MYRIP: variants seen among roughly 807,000 people sequenced by gnomAD.
MYRIP encodes rab effector MyRIP.
In MYRIP, 49 loss-of-function variants were observed where a neutral mutation model predicts 98.0. The ratio of observed to expected loss-of-function variants is 0.50; its 90% CI spans 0.40 to 0.63. The LOEUF (loss-of-function observed/expected upper bound fraction) is 0.63, where lower values mean the gene tolerates loss of function less well. Among genes scored for constraint, MYRIP ranks in the 30% least tolerant of loss-of-function variants. MYRIP has a pLI of 0.00. For synonymous variants in MYRIP, 404 were observed against 409.5 expected, an observed-to-expected ratio of 0.99 and a Z score of 0.16; for missense variants, 1,004 against 1,058.2, an observed-to-expected ratio of 0.95 and a Z score of 0.71.
At chr3:40,054,826 C>T (rs1480008104) in intron 3 of MYRIP, among the ~76,000 whole-genome samples, 4 of 152,162 alleles carry the variant, frequency 2.6e-5, no homozygotes, top group African/African-American at 9.7e-5. Context: ...CCTTGGCAAC[C>T]GTCATCGTCT....
chr3:39,896,791 C>T (rs569143917), intron 1 of MYRIP, among the ~76,000 whole-genome samples: 151 of 152,202 alleles, frequency 9.9e-4, no homozygotes, highest in Non-Finnish European at 1.7e-3. Flanking sequence ...ATATCACTTA[C>T]GTACACATTG....
chr3:40,029,526 A>G (rs1045589025), intron 2 of MYRIP, among the ~76,000 whole-genome samples: 32 of 152,226 alleles, frequency 2.1e-4, no homozygotes, highest in Admixed American at 6.5e-4. Flanking sequence ...TGTTTATGAT[A>G]TATTGTTAAG....
chr3:39,811,720 G>T (rs1482767881), intron 1 of MYRIP, among the ~76,000 whole-genome samples: 2 of 151,914 alleles, frequency 1.3e-5, no homozygotes, highest in Non-Finnish European at 2.9e-5. Context: ...TGTAGAGATG[G>T]TGTGTATCTC....
At chr3:39,968,264 C>CA (rs1214900308) in intron 2 of MYRIP, among the ~76,000 whole-genome samples, 1 of 151,372 alleles carries the variant, frequency 6.6e-6, no homozygotes, top group Non-Finnish European at 1.5e-5. Flanking sequence ...CGGCTCACTG[C>CA]AACCTCCACC....
At chr3:40,072,505 C>G (rs1948253114) in intron 3 of MYRIP, among the ~76,000 whole-genome samples, 3 of 152,156 alleles carry the variant, frequency 2.0e-5, no homozygotes, top group Admixed American at 1.3e-4. Context: ...CCGCGCCCAG[C>G]CTGCATTTTA....
chr3:40,084,136 CAAAAAAAAAAAAAAA>C (rs753167019), intron 3 of MYRIP, among the ~76,000 whole-genome samples: 4 of 55,074 alleles, frequency 7.3e-5, no homozygotes, highest in Non-Finnish European at 1.2e-4. Flanking sequence ...GACTCCATCT[CAAAAAAAAAAAAAAA>C]AAAAAAAAAA....
chr3:40,252,936 AAGCTCAAC>A (rs1953426231), intron 16 of MYRIP, among the ~76,000 whole-genome samples: 1 of 152,214 alleles, frequency 6.6e-6, no homozygotes, highest in East Asian at 1.9e-4. Context: ...GAAAGCGTTT[AAGCTCAAC>A]AGCTAACTAT....
chr3:40,167,306 A>C, intron 7 of MYRIP, 67 bp downstream of exon 7: 1 of 1,416,162 alleles, frequency 7.1e-7, no homozygotes, highest in Non-Finnish European at 9.9e-7. Context: ...GACTCTGGCA[A>C]GTAGCAGGTG....
At chr3:40,148,718 CTTG>C (rs778577891) in intron 3 of MYRIP, among the ~76,000 whole-genome samples, 6 of 152,104 alleles carry the variant, frequency 3.9e-5, no homozygotes, top group Non-Finnish European at 8.8e-5. Context: ...CCCTTTGTTA[CTTG>C]TTGTTAGTTT....
intron 10 of MYRIP, among the ~76,000 whole-genome samples, chr3:40,207,889 C>T (rs1951827026): frequency 1.3e-5 from 2 of 152,096 alleles, no homozygotes; most frequent in Non-Finnish European, 2.9e-5. Context: ...ATCTAGAGAC[C>T]TGCTGTCCTC....
intron 2 of MYRIP, among the ~76,000 whole-genome samples, chr3:39,955,026 GA>G (rs1227473311): frequency 6.6e-6 from 1 of 152,182 alleles, no homozygotes; most frequent in Non-Finnish European, 1.5e-5. Context: ...GGGACTATGT[GA>G]AAAGACCAAA....
intron 3 of MYRIP, among the ~76,000 whole-genome samples, chr3:40,102,526 A>G (rs75421346): frequency 6.6e-6 from 1 of 152,200 alleles, no homozygotes; most frequent in East Asian, 1.9e-4. Flanking sequence ...GATTTAGGAG[A>G]CAGCAGAAGT....
intron 2 of MYRIP, among the ~76,000 whole-genome samples, chr3:39,919,917 T>G (rs995718378): frequency 6.6e-6 from 1 of 152,136 alleles, no homozygotes; most frequent in South Asian, 2.1e-4. Context: ...GATGCTAGTT[T>G]GTTTTGTAGC....
chr3:40,087,325 TCAGCCC>T (rs1321141270), intron 3 of MYRIP, among the ~76,000 whole-genome samples: 1 of 152,154 alleles, frequency 6.6e-6, no homozygotes, highest in African/African-American at 2.4e-5. Context: ...TGCAAGGGGC[TCAGCCC>T]TGCCCCTGGC....
At chr3:39,826,110 AT>A (rs577281638) in intron 1 of MYRIP, among the ~76,000 whole-genome samples, 2 of 147,900 alleles carry the variant, frequency 1.4e-5, no homozygotes, top group African/African-American at 5.0e-5. Flanking sequence ...TTTTGTTTAT[AT>A]TTTTTTAAAA....
intron 1 of MYRIP, among the ~76,000 whole-genome samples, chr3:39,851,610 AG>A (rs773650270): frequency 1.3e-5 from 2 of 152,370 alleles, no homozygotes; most frequent in South Asian, 2.1e-4. Context: ...AGGTTCTACC[AG>A]GATCTAATAG....
chr3:39,868,965 G>GA (rs1942705286), intron 1 of MYRIP, among the ~76,000 whole-genome samples: 1 of 151,938 alleles, frequency 6.6e-6, no homozygotes. Context: ...TTTTCTTCTT[G>GA]AAAAGACAGA....
At chr3:40,088,252 T>C (rs1001437053) in intron 3 of MYRIP, among the ~76,000 whole-genome samples, 3 of 152,154 alleles carry the variant, frequency 2.0e-5, no homozygotes, top group Non-Finnish European at 4.4e-5. Context: ...TCAGAATTTT[T>C]TTCTCAGTTG....
chr3:39,994,439 T>G (rs1946278985), intron 2 of MYRIP, among the ~76,000 whole-genome samples: 1 of 152,222 alleles, frequency 6.6e-6, no homozygotes, highest in Admixed American at 6.5e-5. Flanking sequence ...CCTCGCTCAT[T>G]GCTAGCACAG....
Sources: allele counts gnomAD v4.1 joint callset (sites outside exome capture counted in the v4.1 genomes callset), GRCh38; gene constraint gnomAD v4.1.1; transcripts MANE v1.5; gene names NCBI Gene and HGNC (gene_info 2026-07-23, HGNC 2026-07-21).